The following MYH6 variants were observed in gnomAD, a reference collection of about 807,000 sequenced individuals.
MYH6 encodes myosin-6.
A neutral mutation model predicts 223.2 loss-of-function variants in MYH6; 126 were observed. The observed-to-expected ratio is 0.56, with a 90% confidence interval of 0.49 to 0.65. The LOEUF (loss-of-function observed/expected upper bound fraction) is 0.65, where lower values mean the gene tolerates loss of function less well. MYH6 is among the 30% of genes least tolerant of loss of function. The pLI is 0.00. For synonymous variants in MYH6, 978 were observed against 1,010.2 expected, an observed-to-expected ratio of 0.97 and a Z score of 0.61; for missense variants, 2,040 against 2,536.4, an observed-to-expected ratio of 0.80 and a Z score of 4.20.
chr14:23,384,540 C>A lies in MYH6; in HGVS notation c.5467G>T (p.Glu1823Ter), dbSNP rs955177411. ...TCGGCCTCCAGCTCACCCTCCAGCT[C>A]CCGCACCCGCGCTTCCAGCTTCTGC... The part of the protein sequence containing the change: ...QLQKLEARVR[E>*]LEGELEAEQK... Residue 1823 changes from glutamate to a stop codon, truncating the protein, a stop_gained, in exon 36 of 39, where the codon GAG becomes TAG. Transcript: ENST00000405093. LOFTEE classifies it high-confidence loss of function. 6.2e-7 allele frequency: 1 copy of A among 1,613,474 alleles called. No homozygotes were observed. Among genetic ancestry groups the A allele is most frequent in the Non-Finnish European group, 8.5e-7 (1 of 1,180,048 alleles).
chr14:23,386,683 A>T, intron 32 of MYH6, 60 bp from the exon 33 acceptor site: 1 of 1,541,372 alleles, frequency 6.5e-7, no homozygotes, highest in Admixed American at 1.8e-5. Context: ...GAGAGGGAGG[A>T]TGAGAAGATA....
chr14:23,388,786 T>C lies in MYH6; in HGVS notation c.4175+73A>G, dbSNP rs562257873. 1.3e-4 allele frequency: 202 copies of C among 1,608,024 alleles called. 1 individual carries two copies. In the East Asian group the frequency reaches 3.3e-3, roughly 26 times the overall value. ...TTCCACTTCCGTCTCATGACCACTT[T>C]GCCTGTCCCCACCCCAGGTCCTCTC... On this transcript the variant is annotated intron_variant, in intron 29 of 38. Coordinates refer to ENST00000405093, the MANE Select transcript of MYH6 (RefSeq NM_002471.4).
Position 23,387,771 on chromosome 14 carries a change from G to T in MYH6, c.4512C>A (p.Asn1504Lys), listed in dbSNP as rs1566506490. 1 of 1,614,002 alleles carries T rather than the reference G, an allele frequency of 6.2e-7. No homozygotes were observed. Among genetic ancestry groups the T allele is most frequent in the African/African-American group, 1.3e-5 (1 of 74,954 alleles). ...LEHLETFKRE[N>K]KNLQEEISDL... ...CCCCCAGCACACCCTGAAGGTTCTT[G>T]TTCTCCCGCTTGAAGGTCTCTAGGT... The change falls in exon 31 of 39, where the codon AAC becomes AAA. Residue 1504 changes from asparagine to lysine, a missense_variant. By Grantham distance (94) the Asn-to-Lys change is moderately conservative (BLOSUM62 0). This residue lies in a region of MYH6 where 1,203 missense variants were observed against 1,400.2 expected (regional missense o/e 0.86). Transcript: ENST00000405093.
chr14:23,397,140 T>TC (rs768356458), intron 17 of MYH6, 30 bp downstream of exon 17: 4 of 1,614,014 alleles, frequency 2.5e-6, no homozygotes. Flanking sequence ...CCAGCTGTCC[T>TC]CCCCAGACTA....
intron 6 of MYH6, 118 bp downstream of exon 6, chr14:23,404,982 T>C: frequency 6.5e-7 from 1 of 1,538,976 alleles, no homozygotes; most frequent in Non-Finnish European, 9.0e-7. Context: ...TAATGAGAGC[T>C]CAGTGCCCCA....
rs1480592991 is a variant in MYH6 at position 23,405,814 on chromosome 14, T to C, written c.202-44A>G. On this transcript the variant is annotated intron_variant, in intron 3 of 38. Transcript: ENST00000405093. This position sits in a 1 kb window ranked among gnomAD's most constrained non-coding sequence, Gnocchi z 4.7. ...CAGGAGGATGAGTGACCACAATCCC[T>C]CCGGGACCCTTGCCAGCACTGCCCA... The C allele has an allele frequency of 1.9e-6, 3 of 1,613,538 alleles. No homozygotes were observed. Among genetic ancestry groups the C allele is most frequent in the African/African-American group, 1.3e-5 (1 of 74,976 alleles).
Position 23,393,009 on chromosome 14 carries a change from G to A in MYH6, c.3154C>T (p.Arg1052Ter), listed in dbSNP as rs532606047. Residue 1052 changes from arginine (R) to a stop codon, truncating the protein, a stop_gained, in exon 24 of 39, where the codon CGA becomes TGA. Transcript: ENST00000405093. LOFTEE classifies it high-confidence loss of function. The part of the protein sequence containing the change: ...QEKKVRMDLE[R>*]AKRKLEGDLK... ...TCGCCCTCCAGTTTCCGCTTTGCTC[G>A]CTCCAGGTCCATGCGCACCTTCTTC... 2.4e-5 allele frequency: 39 copies of A among 1,614,038 alleles called. No homozygotes were observed. The highest frequency in any genetic ancestry group is 3.2e-5 in the Non-Finnish European group (38 of 1,180,038).
chr14:23,397,412 C>G (rs1268383456), intron 16 of MYH6, 131 bp downstream of exon 16: 1 of 1,285,142 alleles, frequency 7.8e-7, no homozygotes, highest in Non-Finnish European at 1.1e-6. Flanking sequence ...GGAATCTACA[C>G]ACTAAAAAAC....
At chr14:23,386,745 G>A (rs1420743449) in intron 32 of MYH6, 122 bp from the exon 33 acceptor site, 5 of 1,267,140 alleles carry the variant, frequency 3.9e-6, no homozygotes, top group Non-Finnish European at 5.4e-6. Context: ...AGAAGAGATG[G>A]GGAGGTGGGA....
In MYH6 at chr14:23,388,220, C is replaced by T. The variant is rs537640599; in HGVS notation, c.4294G>A (p.Val1432Met). 2 of 1,612,550 alleles carry T rather than the reference C, an allele frequency of 1.2e-6. No homozygotes were observed. Among genetic ancestry groups the T allele is most frequent in the East Asian group, 4.5e-5 (2 of 44,870 alleles). The change falls in exon 30 of 39, where the codon GTG becomes ATG. Residue 1432 changes from valine to methionine, a missense_variant. By Grantham distance (21) the Val-to-Met change is conservative (BLOSUM62 1). Coordinates refer to ENST00000405093, the MANE Select transcript of MYH6 (RefSeq NM_002471.4). The stretch of plus-strand genomic sequence containing the variant: ...GCAGCATTGGAGCGCTCTACGTCCA[C>T]CATCAAGTCCTCTATCTCATTCTGT... Reference protein sequence around the residue: ...RLQNEIEDLMVDVERSNAAAA... With the variant: ...RLQNEIEDLMMDVERSNAAAA...
At chr14:23,391,741 G>A (rs1435646492) in intron 25 of MYH6, among the ~76,000 whole-genome samples, 2 of 152,120 alleles carry the variant, frequency 1.3e-5, no homozygotes, top group African/African-American at 4.8e-5. Context: ...CTCTATAATG[G>A]GGATGGCAGT....
chr14:23,387,423 T>C (rs1407000907), intron 32 of MYH6, 106 bp downstream of exon 32: 59 of 1,550,648 alleles, frequency 3.8e-5, no homozygotes, highest in Non-Finnish European at 5.0e-5. Flanking sequence ...ACAAAGAATA[T>C]GGAATGAATA....
Position 23,383,339 on chromosome 14 carries a change from G to GGGGGGGGGGGGCCCCCCCCCC in MYH6, c.5566-20_5566-19insGGGGGGGGGGCCCCCCCCCCC. 3.7e-5 allele frequency: 4 copies of GGGGGGGGGGGGCCCCCCCCCC among 108,160 alleles called. No individual in the cohort carries two copies. The highest frequency in any genetic ancestry group is 5.5e-5 in the Non-Finnish European group (3 of 54,352). 6.7% of individuals were successfully genotyped at this position (108,160 alleles called of 1,614,324 possible). ...CCTCTGTCTGGGGGTGGGAGGGTGG[G>GGGGGGGGGGGGCCCCCCCCCC]AGAAGCTGGTTTGGAGGGGGAGCAA... On this transcript the variant is annotated intron_variant, in intron 36 of 38. Coordinates refer to ENST00000405093, the MANE Select transcript of MYH6 (RefSeq NM_002471.4).
Position 23,407,064 on chromosome 14 carries a change from G to C in MYH6, c.160C>G (p.Arg54Gly). ...EEFVKAKILS[R>G]EGGKVIAETE... Reference sequence around the variant, plus strand: ...TCAGCAATGACCTTGCCTCCCTCCCGGGACAAAATCTTGGCTTTGACAAAC... The same window carrying C: ...TCAGCAATGACCTTGCCTCCCTCCCCGGACAAAATCTTGGCTTTGACAAAC... Residue 54 changes from arginine (R) to glycine (G), a missense_variant, in exon 3 of 39, where the codon CGG (arginine) becomes GGG (glycine). Arg to Gly is a moderately radical substitution (Grantham distance 125, BLOSUM62 -2). Around this residue, in one of 4 missense-constraint regions of MYH6, gnomAD observed 184 missense variants for 232.4 expected, o/e 0.79. Transcript: ENST00000405093. This position sits in a 1 kb window ranked among gnomAD's most constrained non-coding sequence, Gnocchi z 5.6. 1 of 1,614,116 alleles carries C rather than the reference G, an allele frequency of 6.2e-7. No individual in the cohort carries two copies. The highest frequency in any genetic ancestry group is 1.1e-5 in the South Asian group (1 of 91,066).
intron 37 of MYH6, 30 bp downstream of exon 37, chr14:23,383,195 A>G (rs370424913): frequency 1.1e-5 from 18 of 1,566,974 alleles, no homozygotes; most frequent in Non-Finnish European, 1.2e-5. Flanking sequence ...AGGTGTGTTG[A>G]TGAGAAAGGG....
At chr14:23,384,867 A>G (rs548970731) in intron 35 of MYH6, 49 bp downstream of exon 35, 3 of 1,613,304 alleles carry the variant, frequency 1.9e-6, no homozygotes, top group East Asian at 2.2e-5. Context: ...CCTGGACCCA[A>G]GGCCTTGTTT....
rs2087488332 is a variant in MYH6, at chr14:23,405,501, G to A, written c.346-122C>T. The A allele has an allele frequency of 9.4e-6, 15 of 1,595,048 alleles. No homozygotes were observed. The highest frequency in any genetic ancestry group is 6.9e-5 in the Admixed American group (4 of 58,086). On this transcript the variant is annotated intron_variant, in intron 4 of 38. Coordinates refer to ENST00000405093, the MANE Select transcript of MYH6 (RefSeq NM_002471.4). This position sits in a 1 kb window ranked among gnomAD's most constrained non-coding sequence, Gnocchi z 4.7. The stretch of plus-strand genomic sequence containing the variant: ...TCTACTCCTCCTGCAGCTGACTAGG[G>A]GTGGAGGGGGGAAGGGGACTTGGGT...
At position 23,389,072 on chromosome 14, in the gene MYH6, G is replaced by GCGGCCC; in HGVS notation, c.3979-18_3979-17insGGGCCG. On this transcript the variant is annotated splice_polypyrimidine_tract_variant and intron_variant, in intron 28 of 38. Transcript: ENST00000405093. ...GTTCTTCGCCTGGGGAGGGGGGGGG[G>GCGGCCC]CACCAGGAGGTGGGAGGGACTCCCT... 8.8e-7 allele frequency: 1 copy of GCGGCCC among 1,135,194 alleles called. No individual in the cohort carries two copies. Among genetic ancestry groups the GCGGCCC allele is most frequent in the Non-Finnish European group, 1.3e-6 (1 of 774,172 alleles). The allele number at this position is 1,135,194 out of a possible 1,614,324, so 70.3% of individuals were successfully genotyped here.
At chr14:23,389,941 C>A in intron 26 of MYH6, 116 bp downstream of exon 26, 2 of 1,598,316 alleles carry the variant, frequency 1.3e-6, no homozygotes. Flanking sequence ...GGAAGAGAGA[C>A]CAAAGGGTGA....
Sources: gnomAD v4.1 joint callset for allele counts (sites outside exome capture counted in the v4.1 genomes callset) on GRCh38, gnomAD v4.1.1 for gene constraint, gnomAD v4.1.1 regional missense constraint, Gnocchi (gnomAD v3.1) non-coding constraint, MANE v1.5 for transcripts, NCBI Gene and HGNC (gene_info 2026-07-23, HGNC 2026-07-21) for gene names.